The following NCAM1 variants were observed in gnomAD, a reference collection of about 807,000 sequenced individuals.
NCAM1 encodes the protein neural cell adhesion molecule 1.
In NCAM1, 14 loss-of-function variants were observed where a neutral mutation model predicts 109.8. The observed-to-expected ratio is 0.13, with a 90% CI of 0.08 to 0.20. NCAM1 has a LOEUF of 0.20. Among genes scored for constraint, NCAM1 ranks in the 10% least tolerant of loss-of-function variants. NCAM1 has a pLI of 1.00. For synonymous variants in NCAM1, 418 were observed against 442.9 expected, an observed-to-expected ratio of 0.94 and a Z score of 0.70; for missense variants, 774 against 1,109.9, an observed-to-expected ratio of 0.70 and a Z score of 4.30.
intron 1 of NCAM1, among the ~76,000 whole-genome samples, chr11:113,189,278 C>T (rs373416579): frequency 1.9e-4 from 29 of 151,820 alleles, no homozygotes; most frequent in African/African-American, 6.0e-4. Flanking sequence ...GGTGAAACCC[C>T]GTCTGTACTA....
intron 1 of NCAM1, among the ~76,000 whole-genome samples, chr11:113,131,508 A>G (rs983701069): frequency 5.9e-5 from 9 of 152,238 alleles, no homozygotes; most frequent in Admixed American, 4.6e-4. Context: ...AGATGTATCT[A>G]ATGGAAGCTA....
chr11:113,024,882 T>C (rs559999521), intron 1 of NCAM1, among the ~76,000 whole-genome samples: 174 of 152,328 alleles, frequency 1.1e-3, no homozygotes, highest in African/African-American at 4.0e-3. Flanking sequence ...TGCAAAGTGG[T>C]AGGTGGTTTC....
chr11:113,099,666 A>C (rs541982894), intron 1 of NCAM1, among the ~76,000 whole-genome samples: 1 of 152,252 alleles, frequency 6.6e-6, no homozygotes, highest in Non-Finnish European at 1.5e-5. Context: ...AGCTTGCTTC[A>C]AGGGCTTTTT....
At chr11:113,078,301 C>T (rs539689769) in intron 1 of NCAM1, among the ~76,000 whole-genome samples, 1 of 152,098 alleles carries the variant, frequency 6.6e-6, no homozygotes, top group African/African-American at 2.4e-5. Context: ...TCTTTAAGGA[C>T]ACGAGTCATT....
chr11:113,146,539 G>A (rs1285888881), intron 1 of NCAM1, among the ~76,000 whole-genome samples: 1 of 152,168 alleles, frequency 6.6e-6, no homozygotes, highest in Non-Finnish European at 1.5e-5. Flanking sequence ...TCAGTAATGG[G>A]CTTTCAGTAT....
intron 1 of NCAM1, among the ~76,000 whole-genome samples, chr11:113,111,258 G>A (rs1367980173): frequency 6.6e-6 from 1 of 152,078 alleles, no homozygotes; most frequent in Non-Finnish European, 1.5e-5. Context: ...ATAATGGCCT[G>A]TCACAATTAA....
intron 1 of NCAM1, among the ~76,000 whole-genome samples, chr11:113,041,382 C>T (rs1156597620): frequency 1.3e-5 from 2 of 151,658 alleles, no homozygotes; most frequent in African/African-American, 4.9e-5. Context: ...GGTATATAGT[C>T]TGTGAAGCCA....
intron 15 of NCAM1, among the ~76,000 whole-genome samples, chr11:113,254,631 C>T (rs1451626105): frequency 6.6e-6 from 1 of 152,288 alleles, no homozygotes; most frequent in Admixed American, 6.5e-5. Context: ...TGCCTGCAGC[C>T]GTCTCATAAA....
Position 113,118,135 on chromosome 11 carries a change from A to T in NCAM1, c.53-84244A>T, listed in dbSNP as rs552564864. Among the ~76,000 whole-genome samples the T allele has an allele frequency of 5.3e-5, 8 of 152,032 alleles. No individual in the cohort carries two copies. In the South Asian group the frequency reaches 1.0e-3, roughly 20 times the overall value. ...AGGATTTGTCATATTTTTCCACTTGAATCATTTTTTTTCTCTGAGGTTTCT... is the reference window on the plus strand; with the variant it reads ...AGGATTTGTCATATTTTTCCACTTGTATCATTTTTTTTCTCTGAGGTTTCT... On this transcript the variant is annotated intron_variant, in intron 1 of 19. Transcript: ENST00000316851.
chr11:113,139,236 G>T (rs1422250429), intron 1 of NCAM1, among the ~76,000 whole-genome samples: 2 of 152,164 alleles, frequency 1.3e-5, no homozygotes, highest in African/African-American at 2.4e-5. Flanking sequence ...CAGAAAGAAA[G>T]TCAGATCTTT....
chr11:113,199,456 C>G (rs1309190730), intron 1 of NCAM1, among the ~76,000 whole-genome samples: 4 of 152,064 alleles, frequency 2.6e-5, no homozygotes, highest in Non-Finnish European at 5.9e-5. Flanking sequence ...TGGAAAACAT[C>G]CAAGCATTGA....
At chr11:113,225,073 G>A (rs1283861840) in intron 9 of NCAM1, among the ~76,000 whole-genome samples, 11 of 152,348 alleles carry the variant, frequency 7.2e-5, no homozygotes, top group African/African-American at 2.6e-4. Flanking sequence ...GCGGAACAAA[G>A]CTGGATGGAG....
chr11:112,977,218 C>T (rs1196348461), intron 1 of NCAM1: 1 of 151,578 alleles, frequency 6.6e-6, no homozygotes, highest in African/African-American at 2.4e-5. Context: ...TTCTTTGTAG[C>T]ATTGTTTTAT....
chr11:113,261,226 C>T lies in NCAM1; in HGVS notation c.2131+903C>T, dbSNP rs371323536. ...GCCTGCCCTGTCTTCAGTGCTTGCC[C>T]GGCTCTTGGCTCGGTGGTCATGATT... On this transcript the variant is annotated intron_variant, in intron 17 of 19. Coordinates refer to ENST00000316851, the MANE Select transcript of NCAM1 (RefSeq NM_181351.5). Among the ~76,000 whole-genome samples the T allele has an allele frequency of 7.9e-5, 12 of 152,032 alleles. No homozygotes were observed. In the East Asian group the frequency reaches 1.6e-3, roughly 20 times the overall value.
chr11:113,044,894 C>G (rs113759919), intron 1 of NCAM1, among the ~76,000 whole-genome samples: 2,435 of 152,026 alleles, frequency 0.016, 36 homozygotes, highest in Non-Finnish European at 0.022. Context: ...GCTGGGACTA[C>G]AGGCACCCGC....
At chr11:113,252,799 C>CTTTTTTTTTTTTT (rs33948720) in intron 15 of NCAM1, among the ~76,000 whole-genome samples, 2 of 39,718 alleles carry the variant, frequency 5.0e-5, no homozygotes, top group Non-Finnish European at 8.7e-5. Flanking sequence ...CTATGCCCAG[C>CTTTTTTTTTTTTT]TTTTTTTTTT....
intron 1 of NCAM1, among the ~76,000 whole-genome samples, chr11:113,158,679 C>A (rs1457197906): frequency 3.9e-5 from 6 of 152,090 alleles, no homozygotes; most frequent in Non-Finnish European, 7.4e-5. Context: ...TAGAGTTCAC[C>A]CAGGGGCACA....
chr11:112,963,365 CCGCCCCCGCCAG>C lies in NCAM1; in HGVS notation c.52+1705_52+1716del, dbSNP rs1950623833. ...TTTCACGCCGACTTGGAGCATCCCA[CCGCCCCCGCCAG>C]CGCTCACTCTCGCGCCGCGGAATCC... is the stretch of plus-strand genomic sequence containing the variant. On this transcript the variant is annotated intron_variant, in intron 1 of 19. Transcript: ENST00000316851. This position sits in a 1 kb window ranked among gnomAD's most constrained non-coding sequence, Gnocchi z 4.6. 1 of 152,380 alleles carries C rather than the reference CCGCCCCCGCCAG, an allele frequency of 6.6e-6. No individual in the cohort carries two copies. Among genetic ancestry groups the C allele is most frequent in the African/African-American group, 2.4e-5 (1 of 41,450 alleles). The allele number at this position is 152,380 out of a possible 1,614,324, so 9.4% of individuals were successfully genotyped here.
At chr11:113,167,914 G>C (rs1942860922) in intron 1 of NCAM1, among the ~76,000 whole-genome samples, 2 of 152,076 alleles carry the variant, frequency 1.3e-5, no homozygotes, top group African/African-American at 4.8e-5. Flanking sequence ...CGACAGCTTG[G>C]TTTTCTCTTC....
Sources: allele counts gnomAD v4.1 joint callset (sites outside exome capture counted in the v4.1 genomes callset), GRCh38; gene constraint gnomAD v4.1.1; non-coding constraint Gnocchi (gnomAD v3.1); transcripts MANE v1.5; gene names NCBI Gene and HGNC (gene_info 2026-07-23, HGNC 2026-07-21).